TAB3: variants seen among roughly 807,000 people sequenced by gnomAD.
TAB3 encodes TGF-beta-activated kinase 1 and MAP3K7-binding protein 3.
In TAB3, 18 loss-of-function variants were observed where a neutral mutation model predicts 48.1. The observed-to-expected ratio is 0.37, with a 90% CI of 0.26 to 0.55. TAB3 has a LOEUF of 0.55. TAB3 is among the 20% of genes least tolerant of loss of function. TAB3 has a pLI of 0.78. For synonymous variants in TAB3, 185 were observed against 190.2 expected, an observed-to-expected ratio of 0.97 and a Z score of 0.22; for missense variants, 414 against 549.8, an observed-to-expected ratio of 0.75 and a Z score of 2.47.
intron 1 of TAB3, among the ~76,000 whole-genome samples, chrX:30,876,826 C>T (rs1186643487): frequency 9.0e-6 from 1 of 111,187 alleles, no homozygotes; most frequent in African/African-American, 3.3e-5. Context: ...CAATAGACAC[C>T]GTTGAGACAG....
rs373393073 is a variant in TAB3, at chrX:30,885,050, G to A, written c.-383+4064C>T. On this transcript the variant is annotated intron_variant, in intron 1 of 10. Coordinates refer to ENST00000288422, the MANE Select transcript of TAB3 (RefSeq NM_152787.5). ...ATTTCAAAACATGTGCCTAAATTTA[G>A]AAATTCTTCATTGACAATCTAAAAA... 5.3e-5 allele frequency among the ~76,000 whole-genome samples: 6 copies of A among 112,422 alleles called. No homozygotes were observed. The South Asian group carries it at 1.1e-3, about 21-fold the overall frequency.
chrX:30,874,664 T>C (rs773654835), intron 1 of TAB3, among the ~76,000 whole-genome samples: 1 of 111,847 alleles, frequency 8.9e-6, no homozygotes, highest in Non-Finnish European at 1.9e-5. Flanking sequence ...AAATGAGATA[T>C]GAGGGCGGTT....
chrX:30,832,880 T>C lies in TAB3; in HGVS notation c.1990+1171A>G, dbSNP rs780051927. 4.5e-5 allele frequency among the ~76,000 whole-genome samples: 5 copies of C among 112,019 alleles called. No individual in the cohort carries two copies. In the South Asian group the frequency reaches 1.9e-3, roughly 42 times the overall value. On this transcript the variant is annotated intron_variant, in intron 10 of 10. Coordinates refer to ENST00000288422, the MANE Select transcript of TAB3 (RefSeq NM_152787.5). ...TCTTTTGGCTCATGACTCCAAAACA[T>C]GTAGATTTAATACAGTTTTCTTTTT...
chrX:30,862,639 T>C (rs142391267), intron 4 of TAB3, among the ~76,000 whole-genome samples: 237 of 112,019 alleles, frequency 2.1e-3, no homozygotes, highest in African/African-American at 7.6e-3. Context: ...TATAATTAGC[T>C]ACCATTTACT....
At chrX:30,884,511 G>A (rs1368719981) in intron 1 of TAB3, among the ~76,000 whole-genome samples, 5 of 109,325 alleles carry the variant, frequency 4.6e-5, no homozygotes, top group Non-Finnish European at 7.6e-5. Context: ...TGCACTCGCT[G>A]TGTAATTAAA....
intron 7 of TAB3, among the ~76,000 whole-genome samples, chrX:30,851,865 C>T (rs190957207): frequency 7.2e-4 from 81 of 112,125 alleles, no homozygotes; most frequent in African/African-American, 2.5e-3. Context: ...GAAGGGCATT[C>T]CAGCAGGAGG....
chrX:30,832,424 C>T (rs1000356115), intron 10 of TAB3, among the ~76,000 whole-genome samples: 1 of 111,562 alleles, frequency 9.0e-6, no homozygotes, highest in African/African-American at 3.3e-5. Context: ...AAATAGGAGA[C>T]TAAAGATCTC....
At chrX:30,875,593 A>G (rs1939807888) in intron 1 of TAB3, among the ~76,000 whole-genome samples, 1 of 111,647 alleles carries the variant, frequency 9.0e-6, no homozygotes, top group South Asian at 3.7e-4. Flanking sequence ...CCATGAGAGG[A>G]AAAAATTTTA....
intron 5 of TAB3, 95 bp downstream of exon 5, chrX:30,859,392 A>ACACACACACACACACACACACACAC (rs1397078109): frequency 3.1e-6 from 2 of 641,408 alleles, no homozygotes; most frequent in African/African-American, 2.2e-5. Context: ...ACACACACAC[A>ACACACACACACACACACACACACAC]AGAAAACATA....
chrX:30,839,171 C>T (rs1410249376), intron 9 of TAB3, among the ~76,000 whole-genome samples: 3 of 111,300 alleles, frequency 2.7e-5, no homozygotes, highest in African/African-American at 9.8e-5. Flanking sequence ...GAGTTCTTTT[C>T]TATTCTTAAT....
intron 9 of TAB3, among the ~76,000 whole-genome samples, chrX:30,841,506 C>T (rs978935266): frequency 3.9e-5 from 4 of 101,853 alleles, no homozygotes; most frequent in Non-Finnish European, 4.1e-5. Context: ...AGAACAGATA[C>T]TATGTTGCAA....
intron 8 of TAB3, 87 bp from the exon 9 acceptor site, chrX:30,843,136 CA>C (rs1947186079): frequency 3.9e-6 from 2 of 512,173 alleles, no homozygotes; most frequent in East Asian, 7.8e-5. Flanking sequence ...GTAAATAAAA[CA>C]CATAAGAAGG....
chrX:30,841,957 C>T (rs1938460386), intron 9 of TAB3, among the ~76,000 whole-genome samples: 2 of 111,861 alleles, frequency 1.8e-5, no homozygotes, highest in Admixed American at 1.9e-4. Context: ...TACAGGCGCG[C>T]GCCATCAGGC....
At chrX:30,884,787 CTT>C (rs919678475) in intron 1 of TAB3, among the ~76,000 whole-genome samples, 1 of 112,034 alleles carries the variant, frequency 8.9e-6, no homozygotes. Context: ...CACGCTAACA[CTT>C]TATTTTAAAA....
rs1439895344 is a variant in TAB3, at chrX:30,828,131, T to C, written c.*3296A>G. 2 of 112,356 alleles carry C rather than the reference T, an allele frequency of 1.8e-5. No homozygotes were observed. Among genetic ancestry groups the C allele is most frequent in the African/African-American group, 3.2e-5 (1 of 30,831 alleles). 9.3% of individuals were successfully genotyped at this position (112,356 alleles called of 1,213,427 possible). On this transcript the variant is annotated 3_prime_UTR_variant, in exon 11 of 11. Transcript: ENST00000288422. ...CATTCCAGGATACATCATTGATATT[T>C]TTAGAGGACAATTCTTCTATGCCTT...
At chrX:30,837,041 C>CTT (rs370702875) in intron 9 of TAB3, among the ~76,000 whole-genome samples, 21 of 36,567 alleles carry the variant, frequency 5.7e-4, no homozygotes, top group East Asian at 9.4e-4. Flanking sequence ...AAAATGACAT[C>CTT]TTTTTTTTTT....
intron 7 of TAB3, among the ~76,000 whole-genome samples, chrX:30,850,342 A>AAATT (rs774377032): frequency 2.7e-5 from 3 of 112,094 alleles, no homozygotes; most frequent in African/African-American, 6.5e-5. Flanking sequence ...TGTATCTTTG[A>AAATT]AATTATAATA....
chrX:30,868,384 AGCT>A (rs753058546), intron 2 of TAB3, among the ~76,000 whole-genome samples: 3 of 16,233 alleles, frequency 1.8e-4, no homozygotes, highest in African/African-American at 6.0e-4. Context: ...ATATATATAT[AGCT>A]TATATATATA....
At chrX:30,846,758 T>G in intron 7 of TAB3, 114 bp from the exon 8 acceptor site, 1 of 462,910 alleles carries the variant, frequency 2.2e-6, no homozygotes, top group Non-Finnish European at 3.7e-6. Flanking sequence ...GAATACGGCC[T>G]TAGTCCATAA....
Sources: allele counts gnomAD v4.1 joint callset (sites outside exome capture counted in the v4.1 genomes callset), GRCh38; gene constraint gnomAD v4.1.1; transcripts MANE v1.5; gene names NCBI Gene and HGNC (gene_info 2026-07-23, HGNC 2026-07-21).